ADAP1: variants seen among roughly 807,000 people sequenced by gnomAD.
ADAP1 encodes the protein ArfGAP with dual PH domains 1.
Under a neutral mutation model 54.9 loss-of-function variants are expected in ADAP1, and 31 were observed. That is an observed-to-expected ratio of 0.56 (90% CI 0.42 to 0.76). The LOEUF is 0.76. Ranked by LOEUF, ADAP1 falls within the 30% of genes least tolerant of loss-of-function variation. The pLI is 0.00. For missense variants in ADAP1, 535 were observed against 512.4 expected, an observed-to-expected ratio of 1.04 and a Z score of -0.42; for synonymous variants, 313 against 202.6, an observed-to-expected ratio of 1.55 and a Z score of -4.63.
rs375174194 is a variant in ADAP1 at position 904,304 on chromosome 7, G to T, written c.502-32C>A. ...AGGGGTGGGGTCTAAGCACCTCACA[G>T]GGGCCGTCGTCCAAGCTCAAGGGAG... On this transcript the variant is annotated intron_variant, in intron 5 of 10. Coordinates refer to ENST00000265846, the MANE Select transcript of ADAP1 (RefSeq NM_006869.4). 5.8e-5 allele frequency: 89 copies of T among 1,536,990 alleles called. No individual in the cohort carries two copies. The African/African-American group carries it at 1.1e-3, about 20-fold the overall frequency.
At chr7:912,507 G>A (rs1209833591) in intron 4 of ADAP1, among the ~76,000 whole-genome samples, 6 of 152,174 alleles carry the variant, frequency 3.9e-5, no homozygotes, top group Non-Finnish European at 2.9e-5. Flanking sequence ...GGGGAGCCCT[G>A]CTGGCTCAGC....
At chr7:906,190 A>AG (rs1845297715) in intron 4 of ADAP1, among the ~76,000 whole-genome samples, 1 of 86,192 alleles carries the variant, frequency 1.2e-5, no homozygotes. Context: ...GAAAGGAGAA[A>AG]GGAGAAAGGA....
intron 4 of ADAP1, among the ~76,000 whole-genome samples, chr7:906,478 AGAAAGGAGAAAGG>A (rs1845348620): frequency 1.7e-5 from 1 of 57,954 alleles, no homozygotes; most frequent in Non-Finnish European, 3.8e-5. Flanking sequence ...AGGAGAAAGG[AGAAAGGAGAAAGG>A]GAAAGGAGAA....
intron 4 of ADAP1, among the ~76,000 whole-genome samples, chr7:915,222 C>T (rs1017191007): frequency 1.7e-4 from 8 of 46,990 alleles, no homozygotes; most frequent in Non-Finnish European, 2.9e-4. Context: ...GCCAGCCCTG[C>T]ACTCACACCT....
chr7:931,848 C>T (rs117306484), intron 2 of ADAP1, among the ~76,000 whole-genome samples: 4,853 of 152,160 alleles, frequency 0.032, 117 homozygotes, highest in Non-Finnish European at 0.051. Context: ...CCTTCAACCT[C>T]GGTCCGGTCC....
intron 4 of ADAP1, among the ~76,000 whole-genome samples, chr7:907,547 G>A (rs1845523743): frequency 6.6e-6 from 1 of 152,124 alleles, no homozygotes; most frequent in East Asian, 1.9e-4. Context: ...CCCACGTGTG[G>A]CCACTCAGAG....
At chr7:931,448 C>G (rs1396194761) in intron 2 of ADAP1, among the ~76,000 whole-genome samples, 1 of 152,138 alleles carries the variant, frequency 6.6e-6, no homozygotes, top group Non-Finnish European at 1.5e-5. Context: ...CCTCGGGGAC[C>G]TGGCACCGCG....
chr7:929,084 G>A (rs906524799), intron 2 of ADAP1, among the ~76,000 whole-genome samples: 3 of 152,130 alleles, frequency 2.0e-5, no homozygotes, highest in Admixed American at 6.5e-5. Context: ...ACGAGGTCAG[G>A]AGTTCAAGAC....
At chr7:951,956 C>T (rs1056577492) in intron 1 of ADAP1, among the ~76,000 whole-genome samples, 5 of 152,188 alleles carry the variant, frequency 3.3e-5, no homozygotes, top group Non-Finnish European at 5.9e-5. Flanking sequence ...CGTGAGCCAC[C>T]GCGCCCGGTC....
At chr7:943,093 T>A (rs111162063) in intron 1 of ADAP1, among the ~76,000 whole-genome samples, 5 of 3,898 alleles carry the variant, frequency 1.3e-3, no homozygotes, top group Non-Finnish European at 2.3e-3. Flanking sequence ...GGAGAGAGGA[T>A]GAGGAAGGGA....
At chr7:953,252 G>A (rs1376909757) in intron 1 of ADAP1, among the ~76,000 whole-genome samples, 3 of 152,206 alleles carry the variant, frequency 2.0e-5, no homozygotes, top group East Asian at 1.9e-4. Context: ...TGGAAAGGCC[G>A]TGGGTCCTGC....
At chr7:935,676 C>CCCG (rs1383152006) in intron 1 of ADAP1, among the ~76,000 whole-genome samples, 171 bp from the exon 2 acceptor site, 1 of 150,374 alleles carries the variant, frequency 6.7e-6, no homozygotes, top group East Asian at 2.0e-4. Flanking sequence ...CCAGCTCCCC[C>CCCG]CCCGCCCTCT....
At chr7:943,890 G>A (rs1048368774) in intron 1 of ADAP1, among the ~76,000 whole-genome samples, 7 of 151,820 alleles carry the variant, frequency 4.6e-5, no homozygotes, top group Admixed American at 2.0e-4. Flanking sequence ...AGGAGAAAGA[G>A]AGAAATTGAC....
intron 3 of ADAP1, among the ~76,000 whole-genome samples, chr7:924,773 G>A (rs1272176577): frequency 6.6e-6 from 1 of 151,936 alleles, no homozygotes. Flanking sequence ...TCCCGACTCA[G>A]AACAGCCAGG....
In ADAP1 at chr7:938,862, C is replaced by T. The variant is rs984110032; in HGVS notation, c.83-3357G>A. On this transcript the variant is annotated intron_variant, in intron 1 of 10. Coordinates refer to ENST00000265846, the MANE Select transcript of ADAP1 (RefSeq NM_006869.4). This position sits in a 1 kb window ranked among gnomAD's most constrained non-coding sequence, Gnocchi z 4.4. ...TTCCTGTCTCATGGCCTTTATCTGCCCATCTAGAAATTCTGAGGGAGGCTG... is the reference window on the plus strand; with the variant it reads ...TTCCTGTCTCATGGCCTTTATCTGCTCATCTAGAAATTCTGAGGGAGGCTG... Among the ~76,000 whole-genome samples the T allele has an allele frequency of 2.0e-5, 3 of 152,206 alleles. No homozygotes were observed. Among genetic ancestry groups the T allele is most frequent in the African/African-American group, 7.2e-5 (3 of 41,446 alleles).
rs759688185 is a variant in ADAP1 at position 920,759 on chromosome 7, G to A, written c.306-709C>T. On this transcript the variant is annotated intron_variant, in intron 3 of 10. Transcript: ENST00000265846. The surrounding 1 kb of genome is among the most constrained non-coding windows in gnomAD (Gnocchi z 4.5). ...ATCCCTGCCCAGAGCCACCCACCACGGCCTCCCCATCCACCGTGACTCACT... is the reference window on the plus strand; with the variant it reads ...ATCCCTGCCCAGAGCCACCCACCACAGCCTCCCCATCCACCGTGACTCACT... The A allele has an allele frequency of 3.6e-5, 55 of 1,542,782 alleles. No individual in the cohort carries two copies. Among genetic ancestry groups the A allele is most frequent in the Middle Eastern group, 1.7e-4 (1 of 5,958 alleles).
intron 6 of ADAP1, chr7:903,842 G>C (rs1175162894): frequency 1.7e-5 from 6 of 358,070 alleles, no homozygotes; most frequent in Non-Finnish European, 3.1e-5. Context: ...GCCAAGCTGG[G>C]TGGCCCCAGA....
chr7:915,294 T>G (rs1005594375), intron 4 of ADAP1, among the ~76,000 whole-genome samples: 2 of 152,102 alleles, frequency 1.3e-5, no homozygotes, highest in Non-Finnish European at 2.9e-5. Flanking sequence ...TCTGTGTACC[T>G]CACCCGTGCC....
At chr7:930,592 A>G (rs1342656103) in intron 2 of ADAP1, among the ~76,000 whole-genome samples, 2 of 150,404 alleles carry the variant, frequency 1.3e-5, no homozygotes, top group African/African-American at 4.9e-5. Context: ...GCCGAGGGGG[A>G]TGGATCACCT....
Sources: allele counts gnomAD v4.1 joint callset (sites outside exome capture counted in the v4.1 genomes callset), GRCh38; gene constraint gnomAD v4.1.1; non-coding constraint Gnocchi (gnomAD v3.1); transcripts MANE v1.5; gene names NCBI Gene and HGNC (gene_info 2026-07-23, HGNC 2026-07-21).